The following DSCAML1 variants were observed in gnomAD, a reference collection of about 807,000 sequenced individuals.
The protein encoded by DSCAML1 is DS cell adhesion molecule like 1.
Under a neutral mutation model 200.5 loss-of-function variants are expected in DSCAML1, and 38 were observed. The observed-to-expected ratio is 0.19, with a 90% confidence interval of 0.15 to 0.25. DSCAML1 has a LOEUF of 0.25. DSCAML1 is among the 10% of genes least tolerant of loss of function. The probability of loss-of-function intolerance (pLI) is 1.00; values close to 1 mark genes in which losing one functional copy is unlikely to be tolerated. For synonymous variants in DSCAML1, 1,215 were observed against 1,165.0 expected (o/e 1.04, Z -0.87); for missense variants, 2,223 against 2,858.8 (o/e 0.78, Z 5.07).
chr11:117,793,929 G>A (rs1348455888), intron 1 of DSCAML1, among the ~76,000 whole-genome samples: 1 of 152,130 alleles, frequency 6.6e-6, no homozygotes, highest in Admixed American at 6.5e-5. Context: ...AGCAACCGGG[G>A]TCTCTCTGCC....
At chr11:117,464,318 C>T (rs1479063902) in intron 17 of DSCAML1, among the ~76,000 whole-genome samples, 1 of 152,104 alleles carries the variant, frequency 6.6e-6, no homozygotes. Context: ...CAACCTGGTG[C>T]GGGCTCAGGT....
intron 1 of DSCAML1, among the ~76,000 whole-genome samples, chr11:117,792,976 C>T (rs1591516466): frequency 6.6e-6 from 1 of 152,294 alleles, no homozygotes; most frequent in East Asian, 1.9e-4. Flanking sequence ...CATATGGAGG[C>T]AACAAAATGT....
At position 117,797,137 on chromosome 11, in the gene DSCAML1, G is replaced by A. The variant is rs1290595461; in HGVS notation, c.-58C>T. The A allele has an allele frequency of 1.9e-6, 3 of 1,590,444 alleles. No individual in the cohort carries two copies. Among genetic ancestry groups the A allele is most frequent in the South Asian group, 2.3e-5 (2 of 88,278 alleles). ...GTCCTGTGGCCGGCCGTGCGGCAGC[G>A]CCTCTCCCCCGCTCAGCGCGCTCCC... On this transcript the variant is annotated 5_prime_UTR_variant, in exon 1 of 33. Transcript: ENST00000651296.
chr11:117,816,030 A>G (rs1422487172), intron 1 of DSCAML1, among the ~76,000 whole-genome samples: 2 of 151,864 alleles, frequency 1.3e-5, no homozygotes, highest in Non-Finnish European at 2.9e-5. Flanking sequence ...CAATCTCCCA[A>G]TGCCACCTTC....
intron 20 of DSCAML1, among the ~76,000 whole-genome samples, chr11:117,445,058 G>C (rs528609282): frequency 1.3e-5 from 2 of 151,982 alleles, no homozygotes; most frequent in South Asian, 4.2e-4. Flanking sequence ...GCACACACAC[G>C]CTCACAAGCA....
chr11:117,726,605 C>T (rs916384718), intron 3 of DSCAML1, among the ~76,000 whole-genome samples: 12 of 151,850 alleles, frequency 7.9e-5, no homozygotes, highest in Non-Finnish European at 7.4e-5. Context: ...AAGAGGCTTC[C>T]GGAAGGAAGA....
intron 3 of DSCAML1, among the ~76,000 whole-genome samples, chr11:117,715,074 G>A (rs1312496651): frequency 6.6e-6 from 1 of 151,606 alleles, no homozygotes; most frequent in Non-Finnish European, 1.5e-5. Flanking sequence ...CATGTAGATG[G>A]CTAAGTTTAT....
chr11:117,809,913 ATT>A (rs2055743726), intron 1 of DSCAML1, among the ~76,000 whole-genome samples: 3 of 144,658 alleles, frequency 2.1e-5, no homozygotes, highest in South Asian at 2.1e-4. Context: ...TCACACACAC[ATT>A]CACACATTCA....
chr11:117,688,918 T>G (rs545374042), intron 3 of DSCAML1, among the ~76,000 whole-genome samples: 2 of 152,294 alleles, frequency 1.3e-5, no homozygotes, highest in African/African-American at 4.8e-5. Flanking sequence ...CCATGGAAAG[T>G]GAGTAACCCT....
In DSCAML1 at chr11:117,430,065, T is replaced by C. The variant is rs182642087; in HGVS notation, c.5686+657A>G. Among the ~76,000 whole-genome samples, 60 of 152,334 alleles carry C rather than the reference T, an allele frequency of 3.9e-4. No individual in the cohort carries two copies. The East Asian group carries it at 9.6e-3, about 24-fold the overall frequency. ...GTGCTAAGCAGACCAGACTGCATTG[T>C]TTGATAGTCTGGGCTTTGCACGCTG... On this transcript the variant is annotated intron_variant, in intron 32 of 32. Coordinates refer to ENST00000651296, the MANE Select transcript of DSCAML1 (RefSeq NM_020693.4).
chr11:117,688,745 C>T (rs1183741285), intron 3 of DSCAML1, among the ~76,000 whole-genome samples: 2 of 152,164 alleles, frequency 1.3e-5, no homozygotes, highest in East Asian at 3.8e-4. Flanking sequence ...GGCTGAAGGC[C>T]CTAAATGAAT....
chr11:117,608,689 T>C (rs1034240071), intron 3 of DSCAML1, among the ~76,000 whole-genome samples: 19 of 152,242 alleles, frequency 1.2e-4, no homozygotes, highest in African/African-American at 4.6e-4. Context: ...CTAGCATAAG[T>C]CTTCATCTGT....
In DSCAML1 at chr11:117,437,832, C is replaced by T; in HGVS notation, c.4432+63G>A. ...CAGCCACCTTACACCCCATACCTGG[C>T]CCCTCTAGCCCACCCTCCCTGGGCC... On this transcript the variant is annotated intron_variant, in intron 25 of 32. Coordinates refer to ENST00000651296, the MANE Select transcript of DSCAML1 (RefSeq NM_020693.4). The surrounding 1 kb of genome is among the most constrained non-coding windows in gnomAD (Gnocchi z 5.3). The T allele has an allele frequency of 6.7e-7, 1 of 1,490,378 alleles. No individual in the cohort carries two copies. Among genetic ancestry groups the T allele is most frequent in the Non-Finnish European group, 8.9e-7 (1 of 1,118,990 alleles). 92.3% of individuals were successfully genotyped at this position (1,490,378 alleles called of 1,614,324 possible). A position where few individuals can be genotyped will look rare whatever the true frequency, so the allele number is the denominator to read the frequency against.
intron 3 of DSCAML1, among the ~76,000 whole-genome samples, chr11:117,535,647 C>T (rs963774383): frequency 2.0e-5 from 3 of 152,136 alleles, no homozygotes; most frequent in Non-Finnish European, 4.4e-5. Context: ...AAGTCAAACG[C>T]GGAAGCTCTC....
In DSCAML1 at chr11:117,505,690, A is replaced by T; in HGVS notation, c.1826T>A (p.Ile609Asn). The T allele has an allele frequency of 6.2e-7, 1 of 1,613,268 alleles. No homozygotes were observed. Among genetic ancestry groups the T allele is most frequent in the African/African-American group, 1.3e-5 (1 of 75,028 alleles). The change falls in exon 9 of 33, where the codon ATC becomes AAC. Residue 609 changes from isoleucine (I) to asparagine (N), a missense_variant. By Grantham distance (149) the Ile-to-Asn change is moderately radical. Around this residue, in one of 7 missense-constraint regions of DSCAML1, gnomAD observed 212 missense variants for 368.0 expected, o/e 0.58. Transcript: ENST00000651296. The surrounding 1 kb of genome is among the most constrained non-coding windows in gnomAD (Gnocchi z 6.7). ...ACAGGGAATGTAGAGCAGCTGGCCGATGGAGGCGGGTGGGAATTCGAAGGG... is the reference window on the plus strand; with the variant it reads ...ACAGGGAATGTAGAGCAGCTGGCCGTTGGAGGCGGGTGGGAATTCGAAGGG... ...IQPFEFPPAS[I>N]GQLLYIPCVV...
At chr11:117,678,284 G>C (rs2053252915) in intron 3 of DSCAML1, among the ~76,000 whole-genome samples, 3 of 152,372 alleles carry the variant, frequency 2.0e-5, no homozygotes, top group African/African-American at 7.2e-5. Context: ...CCAGGCTACA[G>C]GGTGGGGTGG....
At chr11:117,596,240 C>T (rs2051359313) in intron 3 of DSCAML1, among the ~76,000 whole-genome samples, 1 of 152,150 alleles carries the variant, frequency 6.6e-6, no homozygotes, top group Non-Finnish European at 1.5e-5. Flanking sequence ...GATCGCAAGG[C>T]ACTGGATGGT....
chr11:117,797,337 G>T (rs1016839939), upstream of DSCAML1: 127 of 1,224,992 alleles, frequency 1.0e-4, no homozygotes, highest in African/African-American at 1.9e-3. Flanking sequence ...CGAGCCCGGA[G>T]CCCAGACGGA....
chr11:117,580,711 T>C (rs1326128552), intron 3 of DSCAML1, among the ~76,000 whole-genome samples: 1 of 152,218 alleles, frequency 6.6e-6, no homozygotes, highest in East Asian at 1.9e-4. Context: ...GGAGCCTTCT[T>C]CTTTCCTGCT....
Sources: allele counts gnomAD v4.1 joint callset (sites outside exome capture counted in the v4.1 genomes callset), GRCh38; gene constraint gnomAD v4.1.1; regional missense constraint gnomAD v4.1.1; non-coding constraint Gnocchi (gnomAD v3.1); transcripts MANE v1.5; gene names NCBI Gene and HGNC (gene_info 2026-07-23, HGNC 2026-07-21).